GPR55: variants seen among roughly 807,000 people sequenced by gnomAD.
The protein encoded by GPR55 is G-protein coupled receptor 55.
In GPR55, 6 loss-of-function variants were observed where a neutral mutation model predicts 7.9. That is an observed-to-expected ratio of 0.76 (90% CI 0.41 to 1.49). The LOEUF (loss-of-function observed/expected upper bound fraction) is 1.49, where lower values mean the gene tolerates loss of function less well. Ranked by LOEUF, GPR55 falls within the 40% of genes most tolerant of loss-of-function variation. GPR55 has a pLI of 0.01. For missense variants in GPR55, 376 were observed against 406.0 expected, an observed-to-expected ratio of 0.93 and a Z score of 0.63; for synonymous variants, 183 against 166.8, an observed-to-expected ratio of 1.10 and a Z score of -0.75.
chr2:230,914,064 T>A (rs139231676), intron 1 of GPR55, among the ~76,000 whole-genome samples: 71 of 152,338 alleles, frequency 4.7e-4, no homozygotes, highest in East Asian at 1.7e-3. Flanking sequence ...ACCGGCCAAC[T>A]GCATGGATGA....
intron 1 of GPR55, among the ~76,000 whole-genome samples, chr2:230,952,894 T>C (rs1691426059): frequency 1.3e-5 from 2 of 152,214 alleles, no homozygotes; most frequent in African/African-American, 4.8e-5. Context: ...CTGGCCGATG[T>C]CTGCGTCCTC....
chr2:230,931,985 C>G (rs1008141820), intron 1 of GPR55, among the ~76,000 whole-genome samples: 3 of 152,166 alleles, frequency 2.0e-5, no homozygotes, highest in Non-Finnish European at 4.4e-5. Context: ...AGCCCGGTCC[C>G]GTCGAGGCCA....
rs374261413 is a variant in GPR55, at chr2:230,932,118, C to T, written c.-134-21022G>A. On this transcript the variant is annotated intron_variant, in intron 1 of 1. Coordinates refer to the GPR55 transcript ENST00000392039. The stretch of plus-strand genomic sequence containing the variant: ...TCCAGCTCCTTGTCCTACAAACCAG[C>T]CGCGGTCTGCACCCAACCAAGTGAC... Among the ~76,000 whole-genome samples, 114 of 152,332 alleles carry T rather than the reference C, an allele frequency of 7.5e-4. 2 individuals are homozygous for T. The Middle Eastern group carries it at 0.024, about 32-fold the overall frequency.
intron 1 of GPR55, among the ~76,000 whole-genome samples, chr2:230,938,911 C>T (rs764248074): frequency 3.9e-5 from 6 of 152,194 alleles, no homozygotes; most frequent in Non-Finnish European, 8.8e-5. Context: ...AGGGCCTGGC[C>T]TTTTAAAGAG....
intron 1 of GPR55, among the ~76,000 whole-genome samples, chr2:230,932,476 C>T (rs1691063265): frequency 6.6e-6 from 1 of 152,190 alleles, no homozygotes; most frequent in African/African-American, 2.4e-5. Flanking sequence ...GAAGGGGAAG[C>T]TACTATGGAA....
chr2:230,924,902 G>A lies in GPR55; in HGVS notation c.-135+266C>T, dbSNP rs1690916801. On this transcript the variant is annotated intron_variant, in intron 1 of 1. Coordinates refer to ENST00000650999, the MANE Select transcript of GPR55 (RefSeq NM_005683.4). The surrounding 1 kb of genome is among the most constrained non-coding windows in gnomAD (Gnocchi z 4.5). ...GATGCTGCAACCCTGAGTCAGATCA[G>A]GAGGAAGTTGAGGGTTCGTAGAAAA... is the stretch of plus-strand genomic sequence containing the variant. Among the ~76,000 whole-genome samples, 1 of 152,118 alleles carries A rather than the reference G, an allele frequency of 6.6e-6. No homozygotes were observed. The highest frequency in any genetic ancestry group is 2.4e-5 in the African/African-American group (1 of 41,420).
chr2:230,939,884 G>A (rs573415067), intron 1 of GPR55, among the ~76,000 whole-genome samples: 1 of 152,186 alleles, frequency 6.6e-6, no homozygotes, highest in South Asian at 2.1e-4. Flanking sequence ...CTGCAGCGGG[G>A]AGAGACAGTC....
At chr2:230,940,085 C>T (rs914065082) in intron 1 of GPR55, among the ~76,000 whole-genome samples, 3 of 152,086 alleles carry the variant, frequency 2.0e-5, no homozygotes, top group Admixed American at 6.5e-5. Context: ...TGGAGTCCTG[C>T]GATGCTGGGA....
chr2:230,916,395 G>C (rs960466344), intron 1 of GPR55, among the ~76,000 whole-genome samples: 1 of 151,700 alleles, frequency 6.6e-6, no homozygotes, highest in Middle Eastern at 3.2e-3. Context: ...ATGGTGGCTC[G>C]TGCCTGTGGT....
chr2:230,927,658 T>C (rs1690965536), upstream of GPR55, among the ~76,000 whole-genome samples: 1 of 152,244 alleles, frequency 6.6e-6, no homozygotes, highest in African/African-American at 2.4e-5. Flanking sequence ...TTGGGGGGTT[T>C]GGGGGCACAC....
intron 1 of GPR55, among the ~76,000 whole-genome samples, chr2:230,948,330 G>A (rs894364487): frequency 1.3e-5 from 2 of 152,100 alleles, no homozygotes; most frequent in Non-Finnish European, 1.5e-5. Context: ...TGACCTCTGG[G>A]TCTGGGTGGC....
At chr2:230,919,521 AT>A (rs1690788759) in intron 1 of GPR55, among the ~76,000 whole-genome samples, 1 of 152,206 alleles carries the variant, frequency 6.6e-6, no homozygotes, top group Non-Finnish European at 1.5e-5. Context: ...TGCTTATCAA[AT>A]TTAACAAAGA....
intron 1 of GPR55, among the ~76,000 whole-genome samples, chr2:230,955,773 T>C (rs1281912044): frequency 1.3e-5 from 2 of 152,102 alleles, no homozygotes; most frequent in Admixed American, 6.5e-5. Context: ...CAGGCTGGAG[T>C]GTGCCTGCAG....
intron 1 of GPR55, among the ~76,000 whole-genome samples, chr2:230,915,413 C>A (rs557598667): frequency 3.9e-5 from 6 of 152,298 alleles, no homozygotes; most frequent in Non-Finnish European, 8.8e-5. Flanking sequence ...GCCTTCGCCT[C>A]CTAGGGGACT....
chr2:230,954,090 C>T (rs376498119), intron 1 of GPR55, among the ~76,000 whole-genome samples: 18 of 152,246 alleles, frequency 1.2e-4, no homozygotes, highest in Non-Finnish European at 1.5e-4. Flanking sequence ...GAAGCCAAAT[C>T]GTAACAGAGG....
intron 1 of GPR55, among the ~76,000 whole-genome samples, chr2:230,932,642 G>A (rs1266938658): frequency 1.3e-5 from 2 of 152,190 alleles, no homozygotes; most frequent in African/African-American, 4.8e-5. Flanking sequence ...CTCGAAACTG[G>A]CCAGGTCCTG....
At chr2:230,926,596 T>C (rs1356651640), upstream of GPR55, among the ~76,000 whole-genome samples, 1 of 151,400 alleles carries the variant, frequency 6.6e-6, no homozygotes, top group Non-Finnish European at 1.5e-5. Flanking sequence ...CAGGAAGGCA[T>C]CCACACTGAG....
chr2:230,929,742 G>A (rs1478792625), upstream of GPR55: 1 of 152,218 alleles, frequency 6.6e-6, no homozygotes, highest in Non-Finnish European at 1.5e-5. Flanking sequence ...ACGGCATCCA[G>A]AGGAGGCCCT....
Position 230,910,707 on chromosome 2 carries a change from C to T in GPR55, c.256G>A (p.Val86Ile), listed in dbSNP as rs201783201. 2.4e-4 allele frequency: 389 copies of T among 1,613,940 alleles called. No individual in the cohort carries two copies. Among genetic ancestry groups the T allele is most frequent in the South Asian group, 1.8e-3 (160 of 91,076 alleles). Reference protein sequence around the residue: ...SLPFKMVLSQVQSPFPSLCTL... With the variant: ...SLPFKMVLSQIQSPFPSLCTL... The stretch of plus-strand genomic sequence containing the variant: ...CACAGGGACGGGAAGGGGGACTGTA[C>T]CTGGGACAGGACCATCTTGAATGGG... The change falls in exon 2 of 2, where the codon GTA becomes ATA. Residue 86 changes from valine to isoleucine, a missense_variant. Physicochemically the swap from Val to Ile is conservative, Grantham distance 29. Transcript: ENST00000650999. The surrounding 1 kb of genome is among the most constrained non-coding windows in gnomAD (Gnocchi z 5.4).
Sources: allele counts gnomAD v4.1 joint callset (sites outside exome capture counted in the v4.1 genomes callset), GRCh38; gene constraint gnomAD v4.1.1; non-coding constraint Gnocchi (gnomAD v3.1); transcripts MANE v1.5; gene names NCBI Gene and HGNC (gene_info 2026-07-23, HGNC 2026-07-21).